Variants in ADPGK observed in about 807,000 individuals in gnomAD.
ADPGK encodes the protein ADP-dependent glucokinase.
ADPGK carries 26 observed loss-of-function variants against 42.4 expected under a neutral mutation model. That is an observed-to-expected ratio of 0.61 (90% CI 0.45 to 0.85). The LOEUF is 0.85. Among genes scored for constraint, ADPGK ranks in the 40% least tolerant of loss-of-function variants. The pLI is 0.00. For missense variants in ADPGK, 571 were observed against 627.0 expected (o/e 0.91, Z 0.95); for synonymous variants, 267 against 252.6 (o/e 1.06, Z -0.54).
At chr15:72,769,882 A>G (rs548741788) in intron 3 of ADPGK, among the ~76,000 whole-genome samples, 2 of 152,282 alleles carry the variant, frequency 1.3e-5, no homozygotes, top group South Asian at 4.1e-4. Context: ...TAATAAAAAG[A>G]CTTCCCTTAT....
chr15:72,756,505 C>T, intron 4 of ADPGK, 58 bp from the exon 5 acceptor site: 1 of 1,581,636 alleles, frequency 6.3e-7, no homozygotes, highest in Non-Finnish European at 8.6e-7. Flanking sequence ...GGTCTCCTAG[C>T]TGTGGGGGCA....
chr15:72,777,304 T>TA (rs1482288488), intron 1 of ADPGK, among the ~76,000 whole-genome samples: 7 of 152,226 alleles, frequency 4.6e-5, no homozygotes, highest in African/African-American at 1.7e-4. Flanking sequence ...CAGCCCAGTC[T>TA]AAAAAAATTG....
intron 3 of ADPGK, among the ~76,000 whole-genome samples, chr15:72,768,056 C>A (rs531735216): frequency 1.3e-5 from 2 of 151,970 alleles, no homozygotes; most frequent in South Asian, 4.1e-4. Context: ...AAAGAAGATA[C>A]AAATGACCAA....
chr15:72,760,394 C>G lies in ADPGK; in HGVS notation c.643+13G>C, dbSNP rs1250879792. ...TGACTGGTCTTGCCACCATTACTTA[C>G]TCATTTCCTTACCTGCTTGATACTC... On this transcript the variant is annotated intron_variant, in intron 4 of 6. Coordinates refer to ENST00000456471, the MANE Select transcript of ADPGK (RefSeq NM_001365225.1). 1.9e-6 allele frequency: 3 copies of G among 1,583,546 alleles called. No individual in the cohort carries two copies. Among genetic ancestry groups the G allele is most frequent in the African/African-American group, 2.7e-5 (2 of 74,404 alleles).
At position 72,752,380 on chromosome 15, in the gene ADPGK, G is replaced by A. The variant is rs759679471; in HGVS notation, c.1455C>T (p.Ala485=). The part of the protein sequence containing the change: ...RTVGLGDAIS[A]EGLFYSEVHP... The stretch of plus-strand genomic sequence containing the variant: ...GTACTTCCGAATAGAAGAGTCCTTC[G>A]GCTGAAATGGCATCTCCAAGGCCTA... The change falls in exon 7 of 7, where the codon GCC becomes GCT. Residue 485 remains alanine (A), a synonymous_variant. Coordinates refer to ENST00000456471, the MANE Select transcript of ADPGK (RefSeq NM_001365225.1). The A allele has an allele frequency of 1.3e-5, 21 of 1,614,108 alleles. No homozygotes were observed. Among genetic ancestry groups the A allele is most frequent in the East Asian group, 8.9e-5 (4 of 44,880 alleles).
In ADPGK at chr15:72,752,253, CT is replaced by C. The variant is rs1412741772; in HGVS notation, c.*87del. On this transcript the variant is annotated 3_prime_UTR_variant, in exon 7 of 7. Transcript: ENST00000456471. ...GATACAGTTTAATCTGCTTTTATTT[CT>C]TTGGCTGTCTTCCAAACCACTTTCT... is the stretch of plus-strand genomic sequence containing the variant. The C allele has an allele frequency of 2.9e-5, 38 of 1,293,562 alleles. No homozygotes were observed. The highest frequency in any genetic ancestry group is 3.8e-5 in the Non-Finnish European group (36 of 952,222). 80.1% of individuals were successfully genotyped at this position (1,293,562 alleles called of 1,614,324 possible).
chr15:72,756,097 C>T, intron 5 of ADPGK, 154 bp downstream of exon 5: 2 of 842,302 alleles, frequency 2.4e-6, no homozygotes, highest in Non-Finnish European at 3.9e-6. Context: ...CAGTGAGGTG[C>T]CTCACTGCAG....
chr15:72,782,383 G>T (rs1161321561), intron 1 of ADPGK, among the ~76,000 whole-genome samples: 1 of 151,886 alleles, frequency 6.6e-6, no homozygotes, highest in South Asian at 2.1e-4. Flanking sequence ...AAATTGGCTG[G>T]GCGTGGTGGT....
intron 5 of ADPGK, 46 bp from the exon 6 acceptor site, chr15:72,755,700 G>C: frequency 7.7e-6 from 11 of 1,422,812 alleles, no homozygotes; most frequent in African/African-American, 1.4e-5. Context: ...ATAGAAGGAA[G>C]TCAAGAAAGA....
At position 72,752,804 on chromosome 15, in the gene ADPGK, G is replaced by A. The variant is rs1324241040; in HGVS notation, c.1031C>T (p.Ser344Phe). ...CACATCAGGAACACCGTTCCAGGAA[G>A]AGAGAGAAGAGTGAGGTCCAGAGGC... The part of the protein sequence containing the change: ...QSASGPHSSL[S>F]SWNGVPDVGM... The change falls in exon 7 of 7, where the codon TCT (serine) becomes TTT (phenylalanine). Residue 344 changes from serine (S) to phenylalanine (F), a missense_variant. Ser to Phe is a radical substitution (Grantham distance 155). Transcript: ENST00000456471. 1 of 1,614,128 alleles carries A rather than the reference G, an allele frequency of 6.2e-7. No individual in the cohort carries two copies. Among genetic ancestry groups the A allele is most frequent in the Non-Finnish European group, 8.5e-7 (1 of 1,180,062 alleles).
chr15:72,760,767 CTG>C (rs1334090557), intron 3 of ADPGK, among the ~76,000 whole-genome samples: 1 of 152,150 alleles, frequency 6.6e-6, no homozygotes, highest in Non-Finnish European at 1.5e-5. Context: ...GACAAAAGAA[CTG>C]TGTCACAGCC....
Position 72,777,976 on chromosome 15 carries a change from C to T in ADPGK, c.234-2879G>A, listed in dbSNP as rs537432547. Among the ~76,000 whole-genome samples the T allele has an allele frequency of 6.6e-5, 10 of 152,066 alleles. No homozygotes were observed. In the East Asian group the frequency reaches 1.6e-3, roughly 24 times the overall value. On this transcript the variant is annotated intron_variant, in intron 1 of 6. Transcript: ENST00000456471. ...TAATTAAAAAAAACCAGGCTGAGCA[C>T]GGTGGCTCACACTTGTAACCCCAGC...
chr15:72,764,299 CAG>C (rs1016613241), intron 3 of ADPGK, among the ~76,000 whole-genome samples: 1 of 152,096 alleles, frequency 6.6e-6, no homozygotes, highest in African/African-American at 2.4e-5. Flanking sequence ...CAAAACAAAA[CAG>C]AAACAAAAAA....
rs748182250 is a variant in ADPGK at position 72,766,777 on chromosome 15, T to C, written c.522+5006A>G. Among the ~76,000 whole-genome samples, 22 of 151,770 alleles carry C rather than the reference T, an allele frequency of 1.4e-4. 2 individuals carry two copies. The highest frequency in any genetic ancestry group is 2.9e-4 in the Non-Finnish European group (20 of 67,962). On this transcript the variant is annotated intron_variant, in intron 3 of 6. Transcript: ENST00000456471. ...TAAAGATGTACAGTATAAACCCTAA[T>C]GCAACCACTAAGAAAAAAAGAATTA...
At position 72,752,408 on chromosome 15, in the gene ADPGK, G is replaced by T; in HGVS notation, c.1427C>A (p.Thr476Asn). ...TGAAATGGCATCTCCAAGGCCTACAGTTCGAATGGGGTCTTTACACACCAA... is the reference window on the plus strand; with the variant it reads ...TGAAATGGCATCTCCAAGGCCTACATTTCGAATGGGGTCTTTACACACCAA... The part of the protein sequence containing the change: ...PVLVCKDPIR[T>N]VGLGDAISAE... Residue 476 changes from threonine (T) to asparagine (N), a missense_variant, in exon 7 of 7, where the codon ACT (threonine) becomes AAT (asparagine). Transcript: ENST00000456471. 1 of 1,614,232 alleles carries T rather than the reference G, an allele frequency of 6.2e-7. No homozygotes were observed. The highest frequency in any genetic ancestry group is 8.5e-7 in the Non-Finnish European group (1 of 1,180,042).
At chr15:72,759,852 G>A (rs1175688924) in intron 4 of ADPGK, among the ~76,000 whole-genome samples, 1 of 152,220 alleles carries the variant, frequency 6.6e-6, no homozygotes, top group South Asian at 2.1e-4. Context: ...GGGATGGGAT[G>A]CAGTGGATGT....
intron 3 of ADPGK, among the ~76,000 whole-genome samples, chr15:72,764,463 G>C (rs2066233444): frequency 6.6e-6 from 1 of 152,204 alleles, no homozygotes; most frequent in Admixed American, 6.5e-5. Context: ...TGAAGGCTGA[G>C]AGAGGTGAGG....
chr15:72,758,846 C>T (rs940181575), intron 4 of ADPGK, among the ~76,000 whole-genome samples: 11 of 152,240 alleles, frequency 7.2e-5, no homozygotes, highest in African/African-American at 1.2e-4. Flanking sequence ...AAAACTGACA[C>T]GAATCTGGAA....
intron 4 of ADPGK, chr15:72,758,355 C>G: frequency 1.7e-6 from 1 of 599,920 alleles, no homozygotes; most frequent in Non-Finnish European, 3.1e-6. Context: ...AAAACCTCTG[C>G]GTAGTGACTC....
Sources: gnomAD v4.1 joint callset for allele counts (sites outside exome capture counted in the v4.1 genomes callset) on GRCh38, gnomAD v4.1.1 for gene constraint, MANE v1.5 for transcripts, NCBI Gene and HGNC (gene_info 2026-07-23, HGNC 2026-07-21) for gene names.